The following ZNF652 variants were observed in gnomAD, a reference collection of about 807,000 sequenced individuals.
The protein encoded by ZNF652 is zinc finger protein 652.
In ZNF652, 16 loss-of-function variants were observed where a neutral mutation model predicts 45.2. The ratio of observed to expected loss-of-function variants is 0.35; its 90% CI spans 0.24 to 0.54. The LOEUF is 0.54. Ranked by LOEUF, ZNF652 falls within the 20% of genes least tolerant of loss-of-function variation. The pLI is 0.91. For synonymous variants in ZNF652, 250 were observed against 260.6 expected, an observed-to-expected ratio of 0.96 and a Z score of 0.39; for missense variants, 614 against 765.6, an observed-to-expected ratio of 0.80 and a Z score of 2.34.
chr17:49,340,652 A>G (rs1428189112), intron 1 of ZNF652, among the ~76,000 whole-genome samples: 1 of 152,066 alleles, frequency 6.6e-6, no homozygotes, highest in Non-Finnish European at 1.5e-5. Flanking sequence ...ATGGTGGCTC[A>G]TACCTATACT....
intron 1 of ZNF652, among the ~76,000 whole-genome samples, chr17:49,342,564 G>GAC (rs2070160115): frequency 7.2e-6 from 1 of 138,136 alleles, no homozygotes; most frequent in African/African-American, 2.6e-5. Flanking sequence ...AGGGGGGGGG[G>GAC]GGGGGGGAAT....
intron 1 of ZNF652, among the ~76,000 whole-genome samples, chr17:49,319,961 T>C (rs2960164): frequency 0.57 from 86,394 of 152,016 alleles, 24,878 homozygotes; most frequent in South Asian, 0.74. Context: ...CAGTCCCATT[T>C]CCTGGAGGCA....
At chr17:49,300,606 T>C (rs561633787) in intron 5 of ZNF652, among the ~76,000 whole-genome samples, 47 of 152,292 alleles carry the variant, frequency 3.1e-4, no homozygotes, top group Non-Finnish European at 5.4e-4. Flanking sequence ...AGTACTTCTG[T>C]ATATGCACTT....
intron 1 of ZNF652, among the ~76,000 whole-genome samples, chr17:49,329,474 A>G (rs1207052932): frequency 6.6e-6 from 1 of 152,242 alleles, no homozygotes; most frequent in African/African-American, 2.4e-5. Context: ...CACAACAAAC[A>G]AAAACATCAA....
intron 1 of ZNF652, among the ~76,000 whole-genome samples, chr17:49,342,313 A>T (rs2070156372): frequency 6.6e-6 from 1 of 152,186 alleles, no homozygotes; most frequent in South Asian, 2.1e-4. Context: ...GAAAATATTT[A>T]AAAATTTTTA....
At chr17:49,323,007 T>C (rs1037328943) in intron 1 of ZNF652, among the ~76,000 whole-genome samples, 17 of 152,338 alleles carry the variant, frequency 1.1e-4, no homozygotes, top group Non-Finnish European at 2.4e-4. Context: ...AGGGTGGTGG[T>C]TGCTGAAGGC....
At chr17:49,300,901 G>C (rs2069543978) in intron 5 of ZNF652, among the ~76,000 whole-genome samples, 1 of 152,148 alleles carries the variant, frequency 6.6e-6, no homozygotes, top group South Asian at 2.1e-4. Flanking sequence ...TAATAAACTT[G>C]CTCAAGTTTA....
At chr17:49,302,867 C>A (rs978963438) in intron 5 of ZNF652, among the ~76,000 whole-genome samples, 1 of 151,938 alleles carries the variant, frequency 6.6e-6, no homozygotes, top group Non-Finnish European at 1.5e-5. Context: ...GAGGCTGAGG[C>A]AGGAGAATCG....
intron 1 of ZNF652, among the ~76,000 whole-genome samples, chr17:49,354,265 T>C (rs1215702375): frequency 6.6e-6 from 1 of 151,774 alleles, no homozygotes; most frequent in Non-Finnish European, 1.5e-5. Flanking sequence ...AAGACACACA[T>C]TAAGATCACA....
At chr17:49,350,003 G>A (rs767449035) in intron 1 of ZNF652, among the ~76,000 whole-genome samples, 6 of 152,066 alleles carry the variant, frequency 3.9e-5, no homozygotes, top group African/African-American at 7.2e-5. Flanking sequence ...TTCAGGCTTC[G>A]GAATAGAGTT....
chr17:49,349,205 T>C (rs2070244040), intron 1 of ZNF652, among the ~76,000 whole-genome samples: 1 of 152,130 alleles, frequency 6.6e-6, no homozygotes, highest in Non-Finnish European at 1.5e-5. Context: ...ATTGAACACC[T>C]GAGGTCAGGA....
chr17:49,316,883 A>G lies in ZNF652; in HGVS notation c.843T>C (p.Phe281=), dbSNP rs1394262637. Residue 281 remains phenylalanine (F), a synonymous_variant, in exon 2 of 6, where the codon TTT becomes TTC. Transcript: ENST00000430262. ...MQICDKCGKK[F]VLESELSLHQ... The stretch of plus-strand genomic sequence containing the variant: ...GAAGGGACAGCTCACTTTCCAGGAC[A>G]AACTTCTTGCCACATTTATCACAAA... The G allele has an allele frequency of 9.3e-6, 15 of 1,614,030 alleles. No homozygotes were observed. Among genetic ancestry groups the G allele is most frequent in the East Asian group, 2.2e-5 (1 of 44,896 alleles).
At chr17:49,345,131 T>C (rs1402649780) in intron 1 of ZNF652, among the ~76,000 whole-genome samples, 2 of 151,894 alleles carry the variant, frequency 1.3e-5, no homozygotes, top group Non-Finnish European at 2.9e-5. Flanking sequence ...TAAGATAAAA[T>C]CCATTCAGAT....
intron 1 of ZNF652, among the ~76,000 whole-genome samples, chr17:49,327,612 C>T (rs981798964): frequency 1.3e-5 from 2 of 150,276 alleles, no homozygotes; most frequent in African/African-American, 4.9e-5. Context: ...GGCACAGTGG[C>T]TCATGCCTGT....
At chr17:49,299,193 C>T (rs1489266306) in intron 5 of ZNF652, among the ~76,000 whole-genome samples, 1 of 151,940 alleles carries the variant, frequency 6.6e-6, no homozygotes, top group Non-Finnish European at 1.5e-5. Context: ...ACAACTAAAA[C>T]TTACATACAC....
chr17:49,331,047 C>A (rs535576345), intron 1 of ZNF652, among the ~76,000 whole-genome samples: 6 of 138,462 alleles, frequency 4.3e-5, no homozygotes, highest in Non-Finnish European at 7.7e-5. Context: ...CCAGCCTGGG[C>A]AGTAAGAGCA....
rs1381238103 is a variant in ZNF652, at chr17:49,346,766, T to TA, written c.-259+15142dup. Among the ~76,000 whole-genome samples, 9 of 152,262 alleles carry TA rather than the reference T, an allele frequency of 5.9e-5. No individual in the cohort carries two copies. In the East Asian group the frequency reaches 1.7e-3, roughly 29 times the overall value. The stretch of plus-strand genomic sequence containing the variant: ...TGTATACAAAGTAAATAAAATGAAT[T>TA]AAAAAAATCAAAATGTCAAAGACCA... On this transcript the variant is annotated intron_variant, in intron 1 of 5. Coordinates refer to ENST00000430262, the MANE Select transcript of ZNF652 (RefSeq NM_001145365.3).
chr17:49,306,211 A>G (rs1229063459), intron 5 of ZNF652, among the ~76,000 whole-genome samples: 3 of 152,256 alleles, frequency 2.0e-5, no homozygotes, highest in Admixed American at 6.5e-5. Flanking sequence ...ACCAGGGGAA[A>G]GTATTTCAAC....
At chr17:49,327,285 C>G (rs1204659264) in intron 1 of ZNF652, among the ~76,000 whole-genome samples, 1 of 152,002 alleles carries the variant, frequency 6.6e-6, no homozygotes, top group Non-Finnish European at 1.5e-5. Context: ...GCCTCAGCCT[C>G]CCTAGTAGCT....
Sources: gnomAD v4.1 joint callset for allele counts (sites outside exome capture counted in the v4.1 genomes callset) on GRCh38, gnomAD v4.1.1 for gene constraint, MANE v1.5 for transcripts, NCBI Gene and HGNC (gene_info 2026-07-23, HGNC 2026-07-21) for gene names.